The following SPAG16 variants were observed in gnomAD, a reference collection of about 807,000 sequenced individuals.
The protein encoded by SPAG16 is sperm associated antigen 16.
A neutral mutation model predicts 80.4 loss-of-function variants in SPAG16; 86 were observed. That is an observed-to-expected ratio of 1.07 (90% CI 0.90 to 1.28). The LOEUF (loss-of-function observed/expected upper bound fraction) is 1.28. Among genes scored for constraint, SPAG16 ranks in the 50% most tolerant of loss-of-function variants. The probability of loss-of-function intolerance (pLI) is 0.00; values close to 1 mark genes in which losing one functional copy is unlikely to be tolerated. For synonymous variants in SPAG16, 294 were observed against 265.9 expected (o/e 1.11, Z -1.03); for missense variants, 870 against 765.3 (o/e 1.14, Z -1.61).
chr2:213,931,851 G>A (rs2078763589), intron 12 of SPAG16, among the ~76,000 whole-genome samples: 1 of 151,882 alleles, frequency 6.6e-6, no homozygotes, highest in East Asian at 1.9e-4. Context: ...AAAATAAATT[G>A]TACTAATTTT....
chr2:214,121,046 T>A (rs2054196069), intron 14 of SPAG16, among the ~76,000 whole-genome samples: 2 of 151,836 alleles, frequency 1.3e-5, no homozygotes, highest in Admixed American at 6.6e-5. Flanking sequence ...CCGTCATAGC[T>A]AGCAATTGTC....
intron 9 of SPAG16, among the ~76,000 whole-genome samples, chr2:213,428,697 T>G (rs59713406): frequency 0.092 from 13,946 of 152,162 alleles, 1,632 homozygotes; most frequent in African/African-American, 0.27. Context: ...TACAGCTCAG[T>G]GTGACTTTGC....
In SPAG16 at chr2:213,490,082, A is replaced by G; in HGVS notation, c.1062A>G (p.Pro354=). Residue 354 remains proline (P), a synonymous_variant, in exon 10 of 16, where the codon CCA becomes CCG. Coordinates refer to ENST00000331683, the MANE Select transcript of SPAG16 (RefSeq NM_024532.5). ...ACATTTTTAGACTCCATGAACTTCCAGTGAGCTGGTAGGATTTTTGATGTT... is the reference window on the plus strand; with the variant it reads ...ACATTTTTAGACTCCATGAACTTCCGGTGAGCTGGTAGGATTTTTGATGTT... ...LKNIFRLHEL[P]VSCVSMQPHK... is the part of the protein sequence containing the mutation. 2 of 1,581,420 alleles carry G rather than the reference A, an allele frequency of 1.3e-6. No individual in the cohort carries two copies. The highest frequency in any genetic ancestry group is 1.7e-6 in the Non-Finnish European group (2 of 1,167,410).
intron 15 of SPAG16, among the ~76,000 whole-genome samples, chr2:214,305,190 G>A (rs1363751468): frequency 6.6e-6 from 1 of 152,084 alleles, no homozygotes; most frequent in Non-Finnish European, 1.5e-5. Context: ...AAAAGTGCCT[G>A]TTCATATCCG....
intron 10 of SPAG16, among the ~76,000 whole-genome samples, chr2:213,675,760 C>T (rs1439635970): frequency 2.6e-5 from 4 of 151,960 alleles, no homozygotes; most frequent in South Asian, 4.1e-4. Flanking sequence ...TGTTTTGGTA[C>T]CAGTACCATG....
At chr2:213,954,914 A>G (rs1029728600) in intron 12 of SPAG16, among the ~76,000 whole-genome samples, 1 of 152,120 alleles carries the variant, frequency 6.6e-6, no homozygotes, top group African/African-American at 2.4e-5. Context: ...CCTGATAGTA[A>G]CGTTGTGTTT....
intron 15 of SPAG16, among the ~76,000 whole-genome samples, chr2:214,358,135 A>G (rs1029078324): frequency 6.6e-6 from 1 of 151,896 alleles, no homozygotes; most frequent in Non-Finnish European, 1.5e-5. Context: ...AGTGGGTACT[A>G]TTCACATTGT....
intron 10 of SPAG16, among the ~76,000 whole-genome samples, chr2:213,669,948 T>C (rs958719860): frequency 6.6e-6 from 1 of 152,076 alleles, no homozygotes; most frequent in African/African-American, 2.4e-5. Flanking sequence ...TTAGAAATCA[T>C]GAAAATGGAG....
At chr2:214,097,942 A>G (rs777613889) in intron 13 of SPAG16, among the ~76,000 whole-genome samples, 1 of 152,000 alleles carries the variant, frequency 6.6e-6, no homozygotes, top group Admixed American at 6.6e-5. Context: ...TATTATTTCT[A>G]TTTTACAGAT....
intron 10 of SPAG16, among the ~76,000 whole-genome samples, chr2:213,792,570 G>A (rs978140407): frequency 7.1e-6 from 1 of 139,950 alleles, no homozygotes; most frequent in Non-Finnish European, 1.5e-5. Flanking sequence ...CAGTGAAAAT[G>A]AGTATCTTTT....
At chr2:214,052,622 A>G (rs75871067) in intron 13 of SPAG16, among the ~76,000 whole-genome samples, 25,184 of 152,142 alleles carry the variant, frequency 0.17, 2,129 homozygotes, top group African/African-American at 0.18. Flanking sequence ...TTATAAGAAT[A>G]ATAATATAAA....
intron 15 of SPAG16, among the ~76,000 whole-genome samples, chr2:214,172,015 A>G (rs1239445950): frequency 6.6e-6 from 1 of 151,956 alleles, no homozygotes; most frequent in Non-Finnish European, 1.5e-5. Flanking sequence ...TACTTATTTA[A>G]CAAAAATATC....
chr2:213,552,403 A>G (rs2076805748), intron 10 of SPAG16, among the ~76,000 whole-genome samples: 1 of 152,142 alleles, frequency 6.6e-6, no homozygotes, highest in South Asian at 2.1e-4. Flanking sequence ...CTAGAATTCT[A>G]TCACTAACCT....
At chr2:213,538,001 GACAGTATCAAAAGA>G (rs1231893350) in intron 10 of SPAG16, among the ~76,000 whole-genome samples, 1 of 152,082 alleles carries the variant, frequency 6.6e-6, no homozygotes, top group African/African-American at 2.4e-5. Flanking sequence ...GTTCAGTACT[GACAGTATCAAAAGA>G]ATGTTTGCTC....
At chr2:213,590,459 AC>A (rs978679755) in intron 10 of SPAG16, among the ~76,000 whole-genome samples, 6 of 151,758 alleles carry the variant, frequency 4.0e-5, no homozygotes, top group African/African-American at 1.5e-4. Context: ...AAAAAAAAAA[AC>A]AAATAACCCC....
chr2:214,019,035 C>T (rs2047726679), intron 13 of SPAG16, among the ~76,000 whole-genome samples: 1 of 151,532 alleles, frequency 6.6e-6, no homozygotes, highest in Non-Finnish European at 1.5e-5. Context: ...CATGAAATTG[C>T]TCAGTTTTAC....
intron 11 of SPAG16, among the ~76,000 whole-genome samples, chr2:213,908,448 T>G (rs1363075997): frequency 6.6e-6 from 1 of 152,204 alleles, no homozygotes; most frequent in South Asian, 2.1e-4. Context: ...CGTGCAAATA[T>G]TTTTCAGGTT....
intron 15 of SPAG16, among the ~76,000 whole-genome samples, chr2:214,272,177 GAT>G (rs1212651540): frequency 6.6e-6 from 1 of 151,962 alleles, no homozygotes; most frequent in Non-Finnish European, 1.5e-5. Context: ...TTTTTAACAT[GAT>G]ATAAGGTATG....
At chr2:213,392,632 G>A (rs2067814745) in intron 9 of SPAG16, among the ~76,000 whole-genome samples, 1 of 152,068 alleles carries the variant, frequency 6.6e-6, no homozygotes, top group Admixed American at 6.5e-5. Flanking sequence ...GGATCACAAG[G>A]TCAGGAGTTC....
Sources: gnomAD v4.1 joint callset for allele counts (sites outside exome capture counted in the v4.1 genomes callset) on GRCh38, gnomAD v4.1.1 for gene constraint, MANE v1.5 for transcripts, NCBI Gene and HGNC (gene_info 2026-07-23, HGNC 2026-07-21) for gene names.